The following LRRK2 variants were observed in gnomAD, a reference collection of about 807,000 sequenced individuals.
The protein encoded by LRRK2 is leucine-rich repeat serine/threonine-protein kinase 2.
A neutral mutation model predicts 302.6 loss-of-function variants in LRRK2; 203 were observed. That is an observed-to-expected ratio of 0.67 (90% CI 0.60 to 0.75). The LOEUF (loss-of-function observed/expected upper bound fraction) is 0.75, where lower values mean the gene tolerates loss of function less well. LRRK2 is among the 30% of genes least tolerant of loss of function. LRRK2 has a pLI of 0.00. For synonymous variants in LRRK2, 1,066 were observed against 1,031.9 expected (o/e 1.03, Z -0.63); for missense variants, 2,830 against 2,951.0 (o/e 0.96, Z 0.95).
intron 41 of LRRK2, among the ~76,000 whole-genome samples, chr12:40,346,172 A>G (rs1946186422): frequency 7.4e-6 from 1 of 134,448 alleles, no homozygotes; most frequent in Non-Finnish European, 1.6e-5. Flanking sequence ...TCAGGCATGA[A>G]CCCAAGAGAG....
Position 40,227,408 on chromosome 12 carries a change from G to T in LRRK2, c.237+1768G>T, listed in dbSNP as rs1940952139. ...CTATTAAATATTAACTTAATTGCTT[G>T]TATCTAATTATATTTTTGTACACAT... On this transcript the variant is annotated intron_variant, in intron 2 of 50. Coordinates refer to ENST00000298910, the MANE Select transcript of LRRK2 (RefSeq NM_198578.4). Among the ~76,000 whole-genome samples, 3 of 152,052 alleles carry T rather than the reference G, an allele frequency of 2.0e-5. No individual in the cohort carries two copies. In the South Asian group the frequency reaches 6.2e-4, roughly 31 times the overall value.
rs568004222 is a variant in LRRK2, at chr12:40,359,694, GTATT to G, written c.7028+254_7028+257del. 5.3e-5 allele frequency among the ~76,000 whole-genome samples: 8 copies of G among 152,136 alleles called. No homozygotes were observed. In the South Asian group the frequency reaches 1.7e-3, roughly 32 times the overall value. Reference sequence around the variant, plus strand: ...ATGTAAACTCATTGTAATCTTAGTAGTATTTATCAATCTAAATTTTTTAACAATT... The same window carrying G: ...ATGTAAACTCATTGTAATCTTAGTAGTATCAATCTAAATTTTTTAACAATT... On this transcript the variant is annotated intron_variant, in intron 47 of 50. Transcript: ENST00000298910.
rs1190175882 is a variant in LRRK2 at position 40,243,577 on chromosome 12, G to A, written c.734G>A (p.Gly245Asp). The A allele has an allele frequency of 1.2e-6, 2 of 1,611,756 alleles. No homozygotes were observed. The highest frequency in any genetic ancestry group is 1.7e-6 in the Non-Finnish European group (2 of 1,178,424). The change falls in exon 7 of 51, where the codon GGC (glycine) becomes GAC (aspartate). Residue 245 changes from glycine (G) to aspartate (D), a missense_variant. Transcript: ENST00000298910. Reference sequence around the variant, plus strand: ...AATAATGTGGAAGTCCTCATGAGTGGCAATGTCAGGTGTTATAATATTGTG... The same window carrying A: ...AATAATGTGGAAGTCCTCATGAGTGACAATGTCAGGTGTTATAATATTGTG... ...PCNNVEVLMSGNVRCYNIVVE... is the reference protein window; with the variant it reads ...PCNNVEVLMSDNVRCYNIVVE...
At chr12:40,318,369 A>G (rs532325614) in intron 33 of LRRK2, among the ~76,000 whole-genome samples, 99 of 152,240 alleles carry the variant, frequency 6.5e-4, no homozygotes, top group Admixed American at 1.6e-3. Flanking sequence ...TCTTTAAAAA[A>G]TAAGTGTATC....
rs1946462663 is a variant in LRRK2 at position 40,354,342 on chromosome 12, T to C, written c.6620T>C (p.Leu2207Pro). ...SRILCLALVHLPVEKESWIVS... is the reference protein window; with the variant it reads ...SRILCLALVHPPVEKESWIVS... ...ATATTGTGCTTAGCCTTGGTGCATC[T>C]TCCTGTTGAAAAGGAAAGCTGGATT... The change falls in exon 45 of 51, where the codon CTT becomes CCT. Residue 2207 changes from leucine (L) to proline (P), a missense_variant. Physicochemically the swap from Leu to Pro is moderately conservative, Grantham distance 98. This residue lies in a region of LRRK2 where 456 missense variants were observed against 456.3 expected (regional missense o/e 1.00). Transcript: ENST00000298910. 6.2e-7 allele frequency: 1 copy of C among 1,614,016 alleles called. No homozygotes were observed. The highest frequency in any genetic ancestry group is 1.3e-5 in the African/African-American group (1 of 74,922).
chr12:40,249,521 C>CACAAT (rs1942160895), intron 7 of LRRK2, among the ~76,000 whole-genome samples: 1 of 152,018 alleles, frequency 6.6e-6, no homozygotes, highest in Non-Finnish European at 1.5e-5. Context: ...TGAATATTGT[C>CACAAT]GTGCCGTGTG....
Position 40,293,532 on chromosome 12 carries a change from A to G in LRRK2, c.2690-13A>G, listed in dbSNP as rs1944245229. ...GTATTCACCTTCATGTTATTTTATC[A>G]TTTTCAAAATAGGAAGTGAAGGCTC... On this transcript the variant is annotated splice_polypyrimidine_tract_variant and intron_variant, in intron 20 of 50. Transcript: ENST00000298910. 1 of 1,507,456 alleles carries G rather than the reference A, an allele frequency of 6.6e-7. No individual in the cohort carries two copies. The allele number at this position is 1,507,456 out of a possible 1,614,324, so 93.4% of individuals were successfully genotyped here.
In LRRK2 at chr12:40,226,693, G is replaced by T. The variant is rs575505946; in HGVS notation, c.237+1053G>T. Among the ~76,000 whole-genome samples, 188 of 152,286 alleles carry T rather than the reference G, an allele frequency of 1.2e-3. 2 individuals are homozygous for T. The highest frequency in any genetic ancestry group is 4.2e-3 in the African/African-American group (173 of 41,548). ...TCTGACTATTATAGATTTTCACGCT[G>T]CTATCAAACCAAACCAAGAAAAGAT... On this transcript the variant is annotated intron_variant, in intron 2 of 50. Transcript: ENST00000298910.
chr12:40,302,932 C>T (rs753776854), intron 26 of LRRK2, 50 bp downstream of exon 26: 4 of 1,211,492 alleles, frequency 3.3e-6, no homozygotes, highest in Non-Finnish European at 4.9e-6. Context: ...TGGAACAGAA[C>T]CTTTAGAAAC....
At chr12:40,362,187 A>G (rs1946732889) in intron 47 of LRRK2, among the ~76,000 whole-genome samples, 1 of 152,060 alleles carries the variant, frequency 6.6e-6, no homozygotes, top group African/African-American at 2.4e-5. Flanking sequence ...AATACAGCAA[A>G]TATCCAAGAA....
chr12:40,335,267 A>G, intron 40 of LRRK2, 110 bp downstream of exon 40: 1 of 1,196,326 alleles, frequency 8.4e-7, no homozygotes, highest in Non-Finnish European at 1.2e-6. Flanking sequence ...AACAATTTAT[A>G]AACAATTTGG....
chr12:40,346,850 T>C lies in LRRK2; in HGVS notation c.6207T>C (p.Thr2069=), dbSNP rs1946202467. 1 of 1,613,886 alleles carries C rather than the reference T, an allele frequency of 6.2e-7. No individual in the cohort carries two copies. Among genetic ancestry groups the C allele is most frequent in the East Asian group, 2.2e-5 (1 of 44,838 alleles). Reference sequence around the variant, plus strand: ...TACTACTCTATGACATTTTGACAACTGGAGGTAGAATAGTAGAGGGTTTGA... The same window carrying C: ...TACTACTCTATGACATTTTGACAACCGGAGGTAGAATAGTAGAGGGTTTGA... The part of the protein sequence containing the change: ...FGLLLYDILT[T]GGRIVEGLKF... The change falls in exon 42 of 51, where the codon ACT becomes ACC. Residue 2069 remains threonine (T), a synonymous_variant. Transcript: ENST00000298910.
rs1315918124 is a variant in LRRK2 at position 40,311,413 on chromosome 12, A to T, written c.4536+764A>T. 2.0e-5 allele frequency among the ~76,000 whole-genome samples: 3 copies of T among 152,122 alleles called. No homozygotes were observed. The South Asian group carries it at 6.2e-4, about 31-fold the overall frequency. On this transcript the variant is annotated intron_variant, in intron 31 of 50. Transcript: ENST00000298910. ...GGGTACTACAGGGAGTGTGGTGTAA[A>T]CTGTACTGAAAAATACCCTTGATAG... is the stretch of plus-strand genomic sequence containing the variant.
chr12:40,249,803 C>T (rs756579598), intron 7 of LRRK2, 23 bp from the exon 8 acceptor site: 1 of 1,612,240 alleles, frequency 6.2e-7, no homozygotes, highest in South Asian at 1.1e-5. Context: ...GAGAATTCAG[C>T]TAATGTTTCA....
chr12:40,248,032 C>A (rs957609842), intron 7 of LRRK2, among the ~76,000 whole-genome samples: 2 of 151,946 alleles, frequency 1.3e-5, no homozygotes, highest in African/African-American at 2.4e-5. Context: ...ACTAGTTTAT[C>A]TCTATCAGGT....
intron 2 of LRRK2, 26 bp downstream of exon 2, chr12:40,225,666 T>C (rs1319483728): frequency 1.3e-6 from 2 of 1,573,336 alleles, no homozygotes; most frequent in Non-Finnish European, 1.7e-6. Flanking sequence ...TCACTTCAAC[T>C]CATTCTCCCT....
At position 40,330,426 on chromosome 12, in the gene LRRK2, AATTTC is replaced by A. The variant is rs545031516; in HGVS notation, c.5757+1971_5757+1975del. Among the ~76,000 whole-genome samples, 619 of 152,108 alleles carry A rather than the reference AATTTC, an allele frequency of 4.1e-3. 7 individuals are homozygous for A. The highest frequency in any genetic ancestry group is 0.014 in the African/African-American group (592 of 41,500). Reference sequence around the variant, plus strand: ...GTTTGCTCCTATCTAGGATACCTTTAATTTCATTTTGAAAACTGAAAATTTGACCT... The same window carrying A: ...GTTTGCTCCTATCTAGGATACCTTTAATTTTGAAAACTGAAAATTTGACCT... On this transcript the variant is annotated intron_variant, in intron 39 of 50. Coordinates refer to ENST00000298910, the MANE Select transcript of LRRK2 (RefSeq NM_198578.4).
At chr12:40,276,765 T>C (rs1041909533) in intron 16 of LRRK2, among the ~76,000 whole-genome samples, 4 of 152,202 alleles carry the variant, frequency 2.6e-5, no homozygotes, top group Non-Finnish European at 5.9e-5. Flanking sequence ...TTATCAAATA[T>C]TAGTATTCGT....
At chr12:40,253,160 A>C (rs1401367397) in intron 11 of LRRK2, 144 bp downstream of exon 11, 1 of 597,960 alleles carries the variant, frequency 1.7e-6, no homozygotes, top group Non-Finnish European at 3.0e-6. Context: ...AGATGTATTG[A>C]CATATGGATT....
Sources: allele counts gnomAD v4.1 joint callset (sites outside exome capture counted in the v4.1 genomes callset), GRCh38; gene constraint gnomAD v4.1.1; regional missense constraint gnomAD v4.1.1; transcripts MANE v1.5; gene names NCBI Gene and HGNC (gene_info 2026-07-23, HGNC 2026-07-21).